Variants in PHACTR2 observed in about 807,000 individuals in gnomAD.
PHACTR2 encodes the protein phosphatase and actin regulator 2.
In PHACTR2, 30 loss-of-function variants were observed where a neutral mutation model predicts 76.0. That is an observed-to-expected ratio of 0.39 (90% CI 0.30 to 0.54). The LOEUF (loss-of-function observed/expected upper bound fraction) is 0.54. PHACTR2 is among the 20% of genes least tolerant of loss of function. The pLI is 0.61. For synonymous variants in PHACTR2, 292 were observed against 292.5 expected, an observed-to-expected ratio of 1.00 and a Z score of 0.02; for missense variants, 696 against 781.1, an observed-to-expected ratio of 0.89 and a Z score of 1.30.
At chr6:143,579,294 G>A (rs564777905) in intron 1 of PHACTR2, among the ~76,000 whole-genome samples, 7 of 152,162 alleles carry the variant, frequency 4.6e-5, no homozygotes, top group East Asian at 1.9e-4. Context: ...AAAGTGTGGG[G>A]GAAATAAAAT....
rs559426101 is a variant in PHACTR2 at position 143,738,249 on chromosome 6, G to A, written c.215-10736G>A. On this transcript the variant is annotated intron_variant, in intron 2 of 12. Coordinates refer to ENST00000440869, the MANE Select transcript of PHACTR2 (RefSeq NM_001100164.2). The surrounding 1 kb of genome is among the most constrained non-coding windows in gnomAD (Gnocchi z 4.0). ...GCCTGTAATCCCAGCTACTCAGGAG[G>A]CTGAGGCAGGAGAATCGCTTGACCC... is the stretch of plus-strand genomic sequence containing the variant. Among the ~76,000 whole-genome samples the A allele has an allele frequency of 2.0e-5, 3 of 152,220 alleles. No homozygotes were observed. Among genetic ancestry groups the A allele is most frequent in the Admixed American group, 6.5e-5 (1 of 15,290 alleles).
rs1385349312 is a variant in PHACTR2, at chr6:143,819,142, CA to C, written c.1923-4531del. ...CTAGATACCCCTGTGTATATGTGTTCAGTGACTTATGCATTCAACAAATAGT... is the reference window on the plus strand; with the variant it reads ...CTAGATACCCCTGTGTATATGTGTTCGTGACTTATGCATTCAACAAATAGT... On this transcript the variant is annotated intron_variant, in intron 12 of 12. Coordinates refer to ENST00000440869, the MANE Select transcript of PHACTR2 (RefSeq NM_001100164.2). The surrounding 1 kb of genome is among the most constrained non-coding windows in gnomAD (Gnocchi z 5.0). 6.6e-6 allele frequency among the ~76,000 whole-genome samples: 1 copy of C among 152,118 alleles called. No homozygotes were observed. Among genetic ancestry groups the C allele is most frequent in the Non-Finnish European group, 1.5e-5 (1 of 68,022 alleles).
Position 143,683,492 on chromosome 6 carries a change from C to T in PHACTR2, c.46+5283C>T, listed in dbSNP as rs1247862851. On this transcript the variant is annotated intron_variant, in intron 1 of 12. Coordinates refer to ENST00000440869, the MANE Select transcript of PHACTR2 (RefSeq NM_001100164.2). The surrounding 1 kb of genome is among the most constrained non-coding windows in gnomAD (Gnocchi z 4.1). ...GCCACAGATCAGCACTTGGCTGCTTCTCCTCAATCCTTGGGTTGAAAGGGC... is the reference window on the plus strand; with the variant it reads ...GCCACAGATCAGCACTTGGCTGCTTTTCCTCAATCCTTGGGTTGAAAGGGC... Among the ~76,000 whole-genome samples the T allele has an allele frequency of 6.6e-6, 1 of 152,172 alleles. No homozygotes were observed. Among genetic ancestry groups the T allele is most frequent in the Non-Finnish European group, 1.5e-5 (1 of 68,042 alleles).
chr6:143,746,683 C>T (rs1458999802), intron 2 of PHACTR2, among the ~76,000 whole-genome samples: 2 of 152,200 alleles, frequency 1.3e-5, no homozygotes, highest in Non-Finnish European at 1.5e-5. Flanking sequence ...TCTAAAGCAC[C>T]TGCAAAATCC....
chr6:143,792,587 A>G (rs144993017), intron 11 of PHACTR2, among the ~76,000 whole-genome samples: 193 of 152,292 alleles, frequency 1.3e-3, no homozygotes, highest in African/African-American at 4.4e-3. Context: ...GGGCTCAGCT[A>G]GGTGATTCTT....
chr6:143,686,481 CTTTTTTTTTTTT>C (rs71024870), intron 1 of PHACTR2, among the ~76,000 whole-genome samples: 2 of 83,986 alleles, frequency 2.4e-5, no homozygotes, highest in East Asian at 4.2e-4. Flanking sequence ...GAACTTCATT[CTTTTTTTTTTTT>C]TTTTTTTTTT....
rs1776396875 is a variant in PHACTR2, at chr6:143,633,302, C to A, written c.13+24980C>A. On this transcript the variant is annotated intron_variant, in intron 1 of 11. Coordinates refer to the PHACTR2 transcript ENST00000305766. This position sits in a 1 kb window ranked among gnomAD's most constrained non-coding sequence, Gnocchi z 4.1. ...GTCAATGTTCTGGATTTTGACCATT[C>A]TCAAAGATGAGTAGTGGCATCTTGT... Among the ~76,000 whole-genome samples the A allele has an allele frequency of 6.6e-6, 1 of 152,212 alleles. No individual in the cohort carries two copies. Among genetic ancestry groups the A allele is most frequent in the African/African-American group, 2.4e-5 (1 of 41,446 alleles).
At position 143,627,269 on chromosome 6, in the gene PHACTR2, A is replaced by G. The variant is rs891168088; in HGVS notation, c.13+18947A>G. On this transcript the variant is annotated intron_variant, in intron 1 of 11. Coordinates refer to the PHACTR2 transcript ENST00000305766. This position sits in a 1 kb window ranked among gnomAD's most constrained non-coding sequence, Gnocchi z 4.3. ...GGGAAATGTGAGTCTCTAACTTTGT[A>G]GCTAAACATTATTATTTTCAAAACT... 5.9e-5 allele frequency among the ~76,000 whole-genome samples: 9 copies of G among 152,208 alleles called. No homozygotes were observed. Among genetic ancestry groups the G allele is most frequent in the African/African-American group, 2.2e-4 (9 of 41,448 alleles).
At position 143,585,441 on chromosome 6, in the gene PHACTR2, T is replaced by C. The variant is rs374768345; in HGVS notation, c.217+48234T>C. 1.5e-4 allele frequency among the ~76,000 whole-genome samples: 23 copies of C among 152,204 alleles called. No homozygotes were observed. The East Asian group carries it at 2.7e-3, about 18-fold the overall frequency. ...TTCCAGGCAGCACAAGAACAACACA[T>C]TGGAACTAGGAAACCAGGTTTGCAG... is the stretch of plus-strand genomic sequence containing the variant. On this transcript the variant is annotated intron_variant, in intron 1 of 11. Transcript: ENST00000367584. This position sits in a 1 kb window ranked among gnomAD's most constrained non-coding sequence, Gnocchi z 5.2.
In PHACTR2 at chr6:143,599,641, C is replaced by G. The variant is rs918697910; in HGVS notation, c.217+62434C>G. Among the ~76,000 whole-genome samples the G allele has an allele frequency of 1.3e-5, 2 of 152,224 alleles. No individual in the cohort carries two copies. Among genetic ancestry groups the G allele is most frequent in the African/African-American group, 2.4e-5 (1 of 41,456 alleles). On this transcript the variant is annotated intron_variant, in intron 1 of 11. Coordinates refer to the PHACTR2 transcript ENST00000367584. This position sits in a 1 kb window ranked among gnomAD's most constrained non-coding sequence, Gnocchi z 4.6. ...GAATACTTGTTTGATGAATCCCAAA[C>G]AGCCTACGGAGGAAATTTTTTGAGT...
Position 143,621,266 on chromosome 6 carries a change from A to G in PHACTR2, c.13+12944A>G, listed in dbSNP as rs538912996. On this transcript the variant is annotated intron_variant, in intron 1 of 11. Transcript: ENST00000305766. This position sits in a 1 kb window ranked among gnomAD's most constrained non-coding sequence, Gnocchi z 4.1. The stretch of plus-strand genomic sequence containing the variant: ...ACAGAAAACATCAGGAGGCCCCCAC[A>G]GGTTTCATTCTGGCTTCTTCAATTT... Among the ~76,000 whole-genome samples the G allele has an allele frequency of 2.6e-5, 4 of 152,314 alleles. No homozygotes were observed. The South Asian group carries it at 8.3e-4, about 32-fold the overall frequency.
At position 143,571,963 on chromosome 6, in the gene PHACTR2, C is replaced by A. The variant is rs188291328; in HGVS notation, c.217+34756C>A. Among the ~76,000 whole-genome samples, 100 of 152,284 alleles carry A rather than the reference C, an allele frequency of 6.6e-4. No homozygotes were observed. Among genetic ancestry groups the A allele is most frequent in the Middle Eastern group, 3.4e-3 (1 of 294 alleles). ...CTTCTACCATCTACAGAACTGATTT[C>A]TTATGAAACACTGGTCCCAAAAACA... is the stretch of plus-strand genomic sequence containing the variant. On this transcript the variant is annotated intron_variant, in intron 1 of 11. Transcript: ENST00000367584. The surrounding 1 kb of genome is among the most constrained non-coding windows in gnomAD (Gnocchi z 4.6).
chr6:143,773,930 A>T, intron 7 of PHACTR2, 129 bp from the exon 8 acceptor site: 1 of 616,132 alleles, frequency 1.6e-6, no homozygotes, highest in Non-Finnish European at 2.7e-6. Flanking sequence ...TAGGTTAATT[A>T]AGATTCTCCT....
Position 143,688,511 on chromosome 6 carries a change from T to C in PHACTR2, c.46+10302T>C, listed in dbSNP as rs1277991227. Among the ~76,000 whole-genome samples, 2 of 152,194 alleles carry C rather than the reference T, an allele frequency of 1.3e-5. No homozygotes were observed. Among genetic ancestry groups the C allele is most frequent in the Non-Finnish European group, 2.9e-5 (2 of 68,044 alleles). On this transcript the variant is annotated intron_variant, in intron 1 of 12. Transcript: ENST00000440869. The surrounding 1 kb of genome is among the most constrained non-coding windows in gnomAD (Gnocchi z 5.2). Reference sequence around the variant, plus strand: ...GTGGGCATCCCAGAGGTAACATAAGTCTATACAGAAGGTTTGATTTTGTCC... The same window carrying C: ...GTGGGCATCCCAGAGGTAACATAAGCCTATACAGAAGGTTTGATTTTGTCC...
intron 1 of PHACTR2, among the ~76,000 whole-genome samples, chr6:143,593,481 G>T (rs1348577922): frequency 1.3e-5 from 2 of 152,178 alleles, no homozygotes; most frequent in African/African-American, 4.8e-5. Flanking sequence ...TAGTTCAGCA[G>T]TAACAGCACA....
rs9484789 is a variant in PHACTR2 at position 143,671,054 on chromosome 6, C to T, written c.14-40962C>T. ...AAGCAATTCTCCTGCCTCAGCCTCC[C>T]GAGTAGCTGGGATTACAGGAATGCG... is the stretch of plus-strand genomic sequence containing the variant. On this transcript the variant is annotated intron_variant, in intron 1 of 11. Coordinates refer to the PHACTR2 transcript ENST00000305766. The surrounding 1 kb of genome is among the most constrained non-coding windows in gnomAD (Gnocchi z 4.6). 0.032 allele frequency among the ~76,000 whole-genome samples: 4,862 copies of T among 151,984 alleles called. 253 individuals carry two copies. Among genetic ancestry groups the T allele is most frequent in the African/African-American group, 0.11 (4,440 of 41,412 alleles).
chr6:143,564,265 C>A (rs1775330596), intron 1 of PHACTR2, among the ~76,000 whole-genome samples: 2 of 124,348 alleles, frequency 1.6e-5, no homozygotes, highest in Admixed American at 8.7e-5. Flanking sequence ...ACCTTGGCAA[C>A]AGAGTGAGAA....
At chr6:143,715,663 G>T (rs763700632) in intron 2 of PHACTR2, among the ~76,000 whole-genome samples, 55 of 152,296 alleles carry the variant, frequency 3.6e-4, no homozygotes, top group Non-Finnish European at 5.9e-4. Context: ...TGCTATGATG[G>T]ACACAGGGAG....
Position 143,714,212 on chromosome 6 carries a change from A to T in PHACTR2, c.214+2029A>T, listed in dbSNP as rs1030178669. Among the ~76,000 whole-genome samples, 17 of 152,352 alleles carry T rather than the reference A, an allele frequency of 1.1e-4. 1 individual carries two copies. The highest frequency in any genetic ancestry group is 2.9e-5 in the Non-Finnish European group (2 of 68,028). On this transcript the variant is annotated intron_variant, in intron 2 of 12. Coordinates refer to ENST00000440869, the MANE Select transcript of PHACTR2 (RefSeq NM_001100164.2). ...ATCAATGAAGTACACCTTAGGCCAGACCCACAACATCTTGAGGTATAAAAG... is the reference window on the plus strand; with the variant it reads ...ATCAATGAAGTACACCTTAGGCCAGTCCCACAACATCTTGAGGTATAAAAG...
Sources: allele counts gnomAD v4.1 joint callset (sites outside exome capture counted in the v4.1 genomes callset), GRCh38; gene constraint gnomAD v4.1.1; non-coding constraint Gnocchi (gnomAD v3.1); transcripts MANE v1.5; gene names NCBI Gene and HGNC (gene_info 2026-07-23, HGNC 2026-07-21).